Variants in PRDM6 observed in about 807,000 individuals in gnomAD.
PRDM6 encodes the protein PR/SET domain 6, also known as putative histone-lysine N-methyltransferase PRDM6.
In PRDM6, 25 loss-of-function variants were observed where a neutral mutation model predicts 60.8. The observed-to-expected ratio is 0.41, with a 90% CI of 0.30 to 0.57. The LOEUF is 0.57. PRDM6 is among the 20% of genes least tolerant of loss of function. The pLI is 0.27. For missense variants in PRDM6, 839 were observed against 821.3 expected (o/e 1.02, Z -0.26); for synonymous variants, 407 against 357.4 (o/e 1.14, Z -1.57).
chr5:123,171,103 C>G lies in PRDM6; in HGVS notation c.1491C>G (p.Pro497=), dbSNP rs1003700714. Residue 497 remains proline, a synonymous_variant, in exon 6 of 8, where the codon CCC becomes CCG. Coordinates refer to ENST00000407847, the MANE Select transcript of PRDM6 (RefSeq NM_001136239.4). ...LLQMHVCTQN[P]DRPYQCGHCS... The stretch of plus-strand genomic sequence containing the variant: ...AGATGCACGTGTGCACGCAGAACCC[C>G]GACAGGTAACCCTGACTCTCACTGC... 3.3e-6 allele frequency: 5 copies of G among 1,532,984 alleles called. No homozygotes were observed. The highest frequency in any genetic ancestry group is 2.8e-5 in the African/African-American group (2 of 72,692). The allele number at this position is 1,532,984 out of a possible 1,614,324, so 95.0% of individuals were successfully genotyped here. A position where few individuals can be genotyped will look rare whatever the true frequency, so the allele number is the denominator to read the frequency against.
intron 4 of PRDM6, among the ~76,000 whole-genome samples, chr5:123,157,370 C>T (rs979729447): frequency 6.6e-6 from 1 of 152,074 alleles, no homozygotes; most frequent in Non-Finnish European, 1.5e-5. Flanking sequence ...GAAGATTGTA[C>T]TTGTCCACTT....
chr5:123,099,740 A>T lies in PRDM6; in HGVS notation c.679A>T (p.Ser227Cys). 1 of 1,543,566 alleles carries T rather than the reference A, an allele frequency of 6.5e-7. No homozygotes were observed. ...GCTGCGCCGGCTTGTGGGCACCAGCAGCGCTGCGGCCGCCGCGCCCCCGCC... is the reference window on the plus strand; with the variant it reads ...GCTGCGCCGGCTTGTGGGCACCAGCTGCGCTGCGGCCGCCGCGCCCCCGCC... ...HSLRRLVGTS[S>C]AAAAAPPPEL... Residue 227 changes from serine to cysteine, a missense_variant, in exon 3 of 8, where the codon AGC (serine) becomes TGC (cysteine). Physicochemically the swap from Ser to Cys is moderately radical, Grantham distance 112. Transcript: ENST00000407847. This position sits in a 1 kb window ranked among gnomAD's most constrained non-coding sequence, Gnocchi z 4.0.
chr5:123,186,963 C>A (rs1766301796), intron 7 of PRDM6, 124 bp from the exon 8 acceptor site: 5 of 690,436 alleles, frequency 7.2e-6, no homozygotes, highest in Non-Finnish European at 1.0e-5. Context: ...CCAATTAAAC[C>A]TCTTGAGCTG....
At chr5:123,165,191 C>T (rs1765726245) in intron 5 of PRDM6, among the ~76,000 whole-genome samples, 1 of 152,220 alleles carries the variant, frequency 6.6e-6, no homozygotes, top group Non-Finnish European at 1.5e-5. Flanking sequence ...CTCCAGCTGT[C>T]TTGGCAACAT....
At position 123,090,718 on chromosome 5, in the gene PRDM6, G is replaced by A; in HGVS notation, c.592+112G>A. On this transcript the variant is annotated intron_variant, in intron 2 of 7. Transcript: ENST00000407847. ...ATAGGAGTGACACGGGGCCGGGTGGGTGGGGAGCACCTGGTCCTGGCCGCT... is the reference window on the plus strand; with the variant it reads ...ATAGGAGTGACACGGGGCCGGGTGGATGGGGAGCACCTGGTCCTGGCCGCT... 5.2e-6 allele frequency: 2 copies of A among 386,430 alleles called. 1 individual carries two copies. 23.9% of individuals were successfully genotyped at this position (386,430 alleles called of 1,614,324 possible).
rs1414722915 is a variant in PRDM6, at chr5:123,192,260, A to G, written c.*5059A>G. On this transcript the variant is annotated 3_prime_UTR_variant, in exon 8 of 8. Transcript: ENST00000407847. ...AATCCTTAGTAACTCTATAACAAAG[A>G]TACTATCATTATCCCCTTCTCATAT... is the stretch of plus-strand genomic sequence containing the variant. The G allele has an allele frequency of 6.6e-6, 1 of 152,216 alleles. No individual in the cohort carries two copies. The highest frequency in any genetic ancestry group is 2.4e-5 in the African/African-American group (1 of 41,456). The allele number at this position is 152,216 out of a possible 1,614,324, so 9.4% of individuals were successfully genotyped here.
At chr5:123,118,260 A>C (rs946487944) in intron 3 of PRDM6, among the ~76,000 whole-genome samples, 1 of 152,234 alleles carries the variant, frequency 6.6e-6, no homozygotes, top group Admixed American at 6.5e-5. Flanking sequence ...GCAAAAGCCC[A>C]GAGGAGGAAT....
chr5:123,152,314 G>A (rs1765386370), intron 3 of PRDM6, among the ~76,000 whole-genome samples: 1 of 152,134 alleles, frequency 6.6e-6, no homozygotes, highest in Non-Finnish European at 1.5e-5. Context: ...CTGCAGAACT[G>A]GAAAAGCTCA....
chr5:123,131,507 G>A (rs551432638), intron 3 of PRDM6, among the ~76,000 whole-genome samples: 19 of 152,294 alleles, frequency 1.2e-4, no homozygotes, highest in African/African-American at 4.6e-4. Context: ...AATGTTGACA[G>A]CATTTACCGT....
At chr5:123,107,119 T>C (rs182295276) in intron 3 of PRDM6, among the ~76,000 whole-genome samples, 15 of 152,288 alleles carry the variant, frequency 9.8e-5, no homozygotes, top group African/African-American at 3.6e-4. Flanking sequence ...GTTTTTGGAG[T>C]TGAATTGTAC....
intron 3 of PRDM6, among the ~76,000 whole-genome samples, chr5:123,118,015 T>C (rs1270779059): frequency 6.6e-6 from 1 of 152,208 alleles, no homozygotes; most frequent in Non-Finnish European, 1.5e-5. Flanking sequence ...TAGATGGAGC[T>C]TACAGTCTGT....
Position 123,194,032 on chromosome 5 carries a change from C to A in PRDM6, c.*6831C>A, listed in dbSNP as rs904769674. ...CCACTGATATGACAAGAATGATTAT[C>A]CCACAGTAAGAATGGGTAAAACTTA... On this transcript the variant is annotated 3_prime_UTR_variant, in exon 8 of 8. Transcript: ENST00000407847. 5 of 152,022 alleles carry A rather than the reference C, an allele frequency of 3.3e-5. No homozygotes were observed. Among genetic ancestry groups the A allele is most frequent in the African/African-American group, 1.2e-4 (5 of 41,384 alleles). The allele number at this position is 152,022 out of a possible 1,614,324, so 9.4% of individuals were successfully genotyped here.
chr5:123,172,879 C>G (rs563138414), intron 6 of PRDM6, among the ~76,000 whole-genome samples: 1 of 152,266 alleles, frequency 6.6e-6, no homozygotes, highest in African/African-American at 2.4e-5. Context: ...TTTGTCTGAT[C>G]TCAGTTACGC....
chr5:123,126,453 A>G (rs1764697854), intron 3 of PRDM6, among the ~76,000 whole-genome samples: 1 of 151,822 alleles, frequency 6.6e-6, no homozygotes, highest in South Asian at 2.1e-4. Context: ...CCAGGACTCC[A>G]GCAGTGAGCA....
intron 3 of PRDM6, among the ~76,000 whole-genome samples, chr5:123,146,967 C>A: frequency 6.6e-6 from 1 of 152,126 alleles, no homozygotes; most frequent in South Asian, 2.1e-4. Flanking sequence ...TACAGGTTTT[C>A]TTGATTAGTT....
intron 3 of PRDM6, among the ~76,000 whole-genome samples, chr5:123,144,910 A>G (rs1275021311): frequency 6.6e-6 from 1 of 151,986 alleles, no homozygotes; most frequent in African/African-American, 2.4e-5. Flanking sequence ...TTTTATCTAT[A>G]TCCATCTGAC....
chr5:123,108,784 G>C (rs1391023339), intron 3 of PRDM6, among the ~76,000 whole-genome samples: 2 of 152,016 alleles, frequency 1.3e-5, no homozygotes, highest in Non-Finnish European at 2.9e-5. Context: ...TTTTCATAAT[G>C]GGTTTTTGAG....
rs1001325419 is a variant in PRDM6, at chr5:123,192,655, A to G, written c.*5454A>G. 1 of 152,224 alleles carries G rather than the reference A, an allele frequency of 6.6e-6. No homozygotes were observed. Among genetic ancestry groups the G allele is most frequent in the Non-Finnish European group, 1.5e-5 (1 of 68,042 alleles). 9.4% of individuals were successfully genotyped at this position (152,224 alleles called of 1,614,324 possible). ...CTCAAGTGTGATATACATTAGGACA[A>G]ATGGCAACAGGCAGGAAGGGCAGGT... On this transcript the variant is annotated 3_prime_UTR_variant, in exon 8 of 8. Coordinates refer to ENST00000407847, the MANE Select transcript of PRDM6 (RefSeq NM_001136239.4).
intron 7 of PRDM6, among the ~76,000 whole-genome samples, chr5:123,181,636 G>T (rs539599146): frequency 6.6e-6 from 1 of 152,104 alleles, no homozygotes; most frequent in African/African-American, 2.4e-5. Flanking sequence ...TAGAGTTACC[G>T]CCTTATGTAC....
Sources: allele counts gnomAD v4.1 joint callset (sites outside exome capture counted in the v4.1 genomes callset), GRCh38; gene constraint gnomAD v4.1.1; non-coding constraint Gnocchi (gnomAD v3.1); transcripts MANE v1.5; gene names NCBI Gene and HGNC (gene_info 2026-07-23, HGNC 2026-07-21).